Variants in PCLO observed in about 807,000 individuals in gnomAD.
PCLO encodes protein piccolo.
In PCLO, 82 loss-of-function variants were observed where a neutral mutation model predicts 427.5. The ratio of observed to expected loss-of-function variants is 0.19; its 90% CI spans 0.16 to 0.23. The LOEUF is 0.23. PCLO is among the 10% of genes least tolerant of loss of function. The pLI is 1.00. For missense variants in PCLO, 6,239 were observed against 6,115.9 expected, an observed-to-expected ratio of 1.02 and a Z score of -0.67; for synonymous variants, 2,357 against 2,155.4, an observed-to-expected ratio of 1.09 and a Z score of -2.59.
chr7:83,065,051 G>A (rs866383115), intron 3 of PCLO, among the ~76,000 whole-genome samples: 5 of 63,800 alleles, frequency 7.8e-5, no homozygotes, highest in Middle Eastern at 5.4e-3. Context: ...GCAAAGCTTG[G>A]GTTCCAAAAA....
At chr7:82,957,353 G>A (rs1189927334) in intron 4 of PCLO, among the ~76,000 whole-genome samples, 1 of 152,080 alleles carries the variant, frequency 6.6e-6, no homozygotes, top group African/African-American at 2.4e-5. Context: ...GTTCAAGAAA[G>A]CATCAGACAA....
At chr7:83,132,910 G>C (rs1791609968) in intron 3 of PCLO, among the ~76,000 whole-genome samples, 1 of 151,712 alleles carries the variant, frequency 6.6e-6, no homozygotes, top group Non-Finnish European at 1.5e-5. Flanking sequence ...TTTAAGGTTT[G>C]TTTTTGGTTT....
At chr7:82,762,090 G>A (rs903823770) in intron 22 of PCLO, among the ~76,000 whole-genome samples, 4 of 152,114 alleles carry the variant, frequency 2.6e-5, no homozygotes, top group Non-Finnish European at 2.9e-5. Flanking sequence ...AAGCCAAAAC[G>A]TGCGTGCTTA....
chr7:82,824,523 C>T, intron 18 of PCLO, 107 bp from the exon 19 acceptor site: 1 of 607,266 alleles, frequency 1.6e-6, no homozygotes, highest in South Asian at 3.0e-5. Flanking sequence ...CCAAGGAATA[C>T]AGTATAACTT....
intron 3 of PCLO, among the ~76,000 whole-genome samples, chr7:83,003,692 C>G (rs1303851828): frequency 6.6e-6 from 1 of 151,754 alleles, no homozygotes; most frequent in South Asian, 2.1e-4. Context: ...AAGGATAAAT[C>G]CCCCTTAAGT....
At chr7:83,068,642 G>A (rs1281490376) in intron 3 of PCLO, among the ~76,000 whole-genome samples, 2 of 152,044 alleles carry the variant, frequency 1.3e-5, no homozygotes, top group African/African-American at 2.4e-5. Context: ...TTTTGGTAAG[G>A]GCATAAAGAA....
intron 3 of PCLO, among the ~76,000 whole-genome samples, chr7:82,996,269 G>T (rs1297314500): frequency 1.3e-5 from 2 of 151,752 alleles, no homozygotes; most frequent in African/African-American, 4.8e-5. Flanking sequence ...GTACTCTTGG[G>T]TATTTTCTAA....
chr7:83,024,073 A>G (rs1397462793), intron 3 of PCLO, among the ~76,000 whole-genome samples: 1 of 152,144 alleles, frequency 6.6e-6, no homozygotes, highest in Admixed American at 6.5e-5. Context: ...ACATACTCAG[A>G]TAAGAAAAGG....
In PCLO at chr7:82,902,656, A is replaced by C; in HGVS notation, c.13523T>G (p.Val4508Gly). Residue 4508 changes from valine (V) to glycine (G), a missense_variant, in exon 9 of 25, where the codon GTT (valine) becomes GGT (glycine). Transcript: ENST00000333891. ...KITRDSKDHT[V>G]SGNGLGIRIV... ...GATTATATGATTTGCTTTACCTGAAACTGTGTGATCCTTTGAGTCTCTTGT... is the reference window on the plus strand; with the variant it reads ...GATTATATGATTTGCTTTACCTGAACCTGTGTGATCCTTTGAGTCTCTTGT... The C allele has an allele frequency of 6.4e-7, 1 of 1,564,340 alleles. No individual in the cohort carries two copies. The highest frequency in any genetic ancestry group is 8.8e-7 in the Non-Finnish European group (1 of 1,136,270).
At chr7:82,981,969 C>T (rs924151814) in intron 3 of PCLO, among the ~76,000 whole-genome samples, 5 of 152,096 alleles carry the variant, frequency 3.3e-5, no homozygotes, top group Admixed American at 6.6e-5. Flanking sequence ...TCTTCTTCTC[C>T]GGTTTTTAAA....
chr7:82,976,739 T>C (rs1796026625), intron 3 of PCLO, among the ~76,000 whole-genome samples: 2 of 152,202 alleles, frequency 1.3e-5, no homozygotes, highest in Non-Finnish European at 2.9e-5. Context: ...TGGTGAGCTA[T>C]TTCAGTCATC....
intron 3 of PCLO, among the ~76,000 whole-genome samples, chr7:82,990,960 C>A (rs1185206871): frequency 6.6e-6 from 1 of 152,076 alleles, no homozygotes. Flanking sequence ...TTCTTACTTA[C>A]TAATTTTAGA....
At chr7:83,158,042 A>G (rs1303464859) in intron 1 of PCLO, among the ~76,000 whole-genome samples, 1 of 152,112 alleles carries the variant, frequency 6.6e-6, no homozygotes, top group Non-Finnish European at 1.5e-5. Context: ...GCAAAGAAGC[A>G]TTACTTCTAG....
intron 3 of PCLO, among the ~76,000 whole-genome samples, chr7:83,008,488 G>A (rs1356566288): frequency 6.6e-6 from 1 of 151,602 alleles, no homozygotes; most frequent in African/African-American, 2.4e-5. Flanking sequence ...TATTTTACAA[G>A]TAAGTTCATC....
intron 9 of PCLO, among the ~76,000 whole-genome samples, chr7:82,896,958 G>T (rs1224581813): frequency 6.6e-6 from 1 of 151,546 alleles, no homozygotes; most frequent in Non-Finnish European, 1.5e-5. Flanking sequence ...AAAATCAGAA[G>T]AATTTCTTTG....
chr7:83,120,555 C>T (rs1791251196), intron 3 of PCLO, among the ~76,000 whole-genome samples: 1 of 151,768 alleles, frequency 6.6e-6, no homozygotes, highest in Non-Finnish European at 1.5e-5. Context: ...AATCAAATTT[C>T]TAAAATTAAA....
intron 3 of PCLO, among the ~76,000 whole-genome samples, chr7:83,063,980 T>C (rs1789602187): frequency 6.6e-6 from 1 of 152,058 alleles, no homozygotes; most frequent in African/African-American, 2.4e-5. Context: ...ATATAAAGTA[T>C]TTGAAGACAG....
Position 82,952,894 on chromosome 7 carries a change from G to A in PCLO, c.8059C>T (p.Pro2687Ser), listed in dbSNP as rs771484832. 9 of 1,613,928 alleles carry A rather than the reference G, an allele frequency of 5.6e-6. No individual in the cohort carries two copies. The Admixed American group carries it at 8.3e-5, about 15-fold the overall frequency. ...GAAATGCTGCTGAGACCAACACTAG[G>A]AGCTGTACTTCTGGTTGCTGAAACC... ...TEVSATRSTA[P>S]SVGLSSISIT... The change falls in exon 5 of 25, where the codon CCT becomes TCT. Residue 2687 changes from proline to serine, a missense_variant. Around this residue, in one of 5 missense-constraint regions of PCLO, gnomAD observed 4,677 missense variants for 4,468.4 expected, o/e 1.05. Transcript: ENST00000333891.
At chr7:83,157,423 A>G (rs983913005) in intron 1 of PCLO, among the ~76,000 whole-genome samples, 1 of 152,080 alleles carries the variant, frequency 6.6e-6, no homozygotes, top group Non-Finnish European at 1.5e-5. Context: ...CCATTGATTG[A>G]TTATTAGTAA....
Sources: gnomAD v4.1 joint callset for allele counts (sites outside exome capture counted in the v4.1 genomes callset) on GRCh38, gnomAD v4.1.1 for gene constraint, gnomAD v4.1.1 regional missense constraint, MANE v1.5 for transcripts, NCBI Gene and HGNC (gene_info 2026-07-23, HGNC 2026-07-21) for gene names.